PLCB1: variants seen among roughly 807,000 people sequenced by gnomAD.
PLCB1 encodes the protein 1-phosphatidylinositol 4,5-bisphosphate phosphodiesterase beta-1.
Under a neutral mutation model 161.8 loss-of-function variants are expected in PLCB1, and 46 were observed. The ratio of observed to expected loss-of-function variants is 0.28; its 90% CI spans 0.22 to 0.36. PLCB1 has a LOEUF of 0.36. Ranked by LOEUF, PLCB1 falls within the 10% of genes least tolerant of loss-of-function variation. PLCB1 has a pLI of 1.00. For missense variants in PLCB1, 1,016 were observed against 1,472.5 expected, an observed-to-expected ratio of 0.69 and a Z score of 5.07; for synonymous variants, 517 against 503.7, an observed-to-expected ratio of 1.03 and a Z score of -0.35.
At chr20:8,666,772 CTTTG>C (rs1187282074) in intron 9 of PLCB1, among the ~76,000 whole-genome samples, 4 of 152,090 alleles carry the variant, frequency 2.6e-5, no homozygotes, top group Non-Finnish European at 5.9e-5. Flanking sequence ...ACATAGCACC[CTTTG>C]TTTGTTTCTT....
At chr20:8,871,068 C>T (rs983958218) in intron 31 of PLCB1, among the ~76,000 whole-genome samples, 10 of 152,184 alleles carry the variant, frequency 6.6e-5, no homozygotes, top group South Asian at 6.2e-4. Context: ...TTTGTATGTA[C>T]ATTACCTTGT....
chr20:8,493,865 A>T (rs544416724), intron 3 of PLCB1, among the ~76,000 whole-genome samples: 1 of 138,524 alleles, frequency 7.2e-6, no homozygotes, highest in Admixed American at 7.0e-5. Context: ...GTGCTATAGC[A>T]TCACTGGAAG....
chr20:8,771,506 C>G (rs1419256746), intron 26 of PLCB1, among the ~76,000 whole-genome samples: 2 of 152,058 alleles, frequency 1.3e-5, no homozygotes, highest in Non-Finnish European at 2.9e-5. Context: ...TTAAAGGAAA[C>G]TTGCTGACTC....
intron 31 of PLCB1, among the ~76,000 whole-genome samples, chr20:8,832,782 C>A (rs1986078718): frequency 6.6e-6 from 1 of 152,184 alleles, no homozygotes; most frequent in South Asian, 2.1e-4. Context: ...TAATAAGTAA[C>A]TGTTTAAAAC....
intron 2 of PLCB1, among the ~76,000 whole-genome samples, chr20:8,287,243 A>C (rs1424442598): frequency 6.6e-6 from 1 of 152,110 alleles, no homozygotes; most frequent in Admixed American, 6.5e-5. Context: ...AAATATATTT[A>C]ATATTTAATA....
At chr20:8,707,028 G>A (rs1411414543) in intron 11 of PLCB1, among the ~76,000 whole-genome samples, 36 of 152,150 alleles carry the variant, frequency 2.4e-4, no homozygotes, top group Admixed American at 2.4e-3. Context: ...ATCAAATATA[G>A]CATTTAAAAT....
intron 31 of PLCB1, among the ~76,000 whole-genome samples, chr20:8,835,808 T>A (rs1986256239): frequency 8.4e-6 from 1 of 118,590 alleles, no homozygotes; most frequent in Non-Finnish European, 2.0e-5. Context: ...ACAAGGCATC[T>A]GGGTCAGTGA....
At chr20:8,455,595 C>T (rs1981279214) in intron 3 of PLCB1, among the ~76,000 whole-genome samples, 1 of 151,748 alleles carries the variant, frequency 6.6e-6, no homozygotes, top group African/African-American at 2.4e-5. Context: ...CACCCGCCAC[C>T]ACGCCCGGCT....
rs182306732 is a variant in PLCB1 at position 8,844,902 on chromosome 20, A to G, written c.3424-36720A>G. ...GAGGCGGGCGGATCACGAGATCAGG[A>G]GATTGAGACCATCCTGGCTAACATG... is the stretch of plus-strand genomic sequence containing the variant. On this transcript the variant is annotated intron_variant, in intron 31 of 31. Coordinates refer to ENST00000338037, the MANE Select transcript of PLCB1 (RefSeq NM_015192.4). Among the ~76,000 whole-genome samples, 921 of 152,136 alleles carry G rather than the reference A, an allele frequency of 6.1e-3. 17 individuals are homozygous for G. The highest frequency in any genetic ancestry group is 0.021 in the African/African-American group (873 of 41,512).
At chr20:8,249,807 A>T (rs980326646) in intron 2 of PLCB1, 2 of 151,890 alleles carry the variant, frequency 1.3e-5, no homozygotes, top group African/African-American at 4.8e-5. Flanking sequence ...CCTGAGTCTC[A>T]ATTTGTTTCT....
chr20:8,271,926 A>G (rs1272532588), intron 2 of PLCB1, among the ~76,000 whole-genome samples: 2 of 152,166 alleles, frequency 1.3e-5, no homozygotes, highest in Non-Finnish European at 2.9e-5. Flanking sequence ...CTCTGAAGAA[A>G]GAAAGAGGAA....
rs1988051775 is a variant in PLCB1, at chr20:8,883,044, GCTAAGAAATAATTGATGGAGC to G, written c.*1197_*1217del. ...CATGGATGTTAAATTATATGGAGAC[GCTAAGAAATAATTGATGGAGC>G]CATTGATGCAAACCGAAGTAGATTT... On this transcript the variant is annotated 3_prime_UTR_variant, in exon 32 of 32. Transcript: ENST00000338037. 1 of 152,538 alleles carries G rather than the reference GCTAAGAAATAATTGATGGAGC, an allele frequency of 6.6e-6. No individual in the cohort carries two copies. The highest frequency in any genetic ancestry group is 1.5e-5 in the Non-Finnish European group (1 of 68,006). 9.4% of individuals were successfully genotyped at this position (152,538 alleles called of 1,614,324 possible). A position where few individuals can be genotyped will look rare whatever the true frequency, so the allele number is the denominator to read the frequency against.
chr20:8,839,345 C>T (rs1986408386), intron 31 of PLCB1, among the ~76,000 whole-genome samples: 1 of 152,098 alleles, frequency 6.6e-6, no homozygotes, highest in Non-Finnish European at 1.5e-5. Flanking sequence ...ATATATTGCT[C>T]ATTTGGGTGT....
At chr20:8,592,665 T>G (rs1427532156) in intron 3 of PLCB1, among the ~76,000 whole-genome samples, 5 of 152,176 alleles carry the variant, frequency 3.3e-5, no homozygotes, top group African/African-American at 1.2e-4. Context: ...TCGTCACATG[T>G]GATCAGGAGT....
At chr20:8,380,722 C>T (rs921540768) in intron 3 of PLCB1, among the ~76,000 whole-genome samples, 5 of 152,060 alleles carry the variant, frequency 3.3e-5, no homozygotes, top group African/African-American at 1.2e-4. Flanking sequence ...AATGGGAGTT[C>T]ATTCATGATT....
intron 2 of PLCB1, among the ~76,000 whole-genome samples, chr20:8,291,683 C>T (rs554260604): frequency 4.6e-5 from 7 of 152,182 alleles, no homozygotes; most frequent in Non-Finnish European, 1.0e-4. Flanking sequence ...AGGGTGTGCT[C>T]ACCGTGTGCC....
intron 2 of PLCB1, among the ~76,000 whole-genome samples, chr20:8,292,717 G>A (rs1324330505): frequency 6.6e-6 from 1 of 152,146 alleles, no homozygotes; most frequent in Non-Finnish European, 1.5e-5. Flanking sequence ...TGACTTAAAA[G>A]GGGCCTGGTT....
At chr20:8,401,879 G>A (rs548930623) in intron 3 of PLCB1, among the ~76,000 whole-genome samples, 1 of 152,332 alleles carries the variant, frequency 6.6e-6, no homozygotes, top group African/African-American at 2.4e-5. Context: ...GGGGTGAAAG[G>A]AGAACCAGTG....
intron 2 of PLCB1, among the ~76,000 whole-genome samples, chr20:8,345,122 CTCT>C (rs1452460075): frequency 1.3e-5 from 2 of 152,170 alleles, no homozygotes; most frequent in African/African-American, 4.8e-5. Flanking sequence ...TCAAAGTTGG[CTCT>C]TCTTTCACTC....
Sources: allele counts gnomAD v4.1 joint callset (sites outside exome capture counted in the v4.1 genomes callset), GRCh38; gene constraint gnomAD v4.1.1; transcripts MANE v1.5; gene names NCBI Gene and HGNC (gene_info 2026-07-23, HGNC 2026-07-21).